Variants in RP1 observed in about 807,000 individuals in gnomAD.
RP1 encodes oxygen-regulated protein 1.
RP1 carries 16 observed loss-of-function variants against 14.8 expected under a neutral mutation model. The ratio of observed to expected loss-of-function variants is 1.08; its 90% CI spans 0.73 to 1.65. RP1 has a LOEUF of 1.65. Ranked by LOEUF, RP1 falls within the 40% of genes most tolerant of loss-of-function variation. RP1 has a pLI of 0.00. For synonymous variants in RP1, 876 were observed against 883.6 expected (o/e 0.99, Z 0.15); for missense variants, 2,631 against 2,535.0 (o/e 1.04, Z -0.81).
intron 1 of RP1, among the ~76,000 whole-genome samples, chr8:54,583,676 G>A (rs1479460565): frequency 6.6e-6 from 1 of 152,168 alleles, no homozygotes; most frequent in African/African-American, 2.4e-5. Flanking sequence ...CTCAATTTCA[G>A]AGCCTGTTAT....
intron 23 of RP1, chr8:54,780,831 C>T: frequency 1.5e-5 from 10 of 670,872 alleles, no homozygotes; most frequent in Non-Finnish European, 1.8e-5. Flanking sequence ...TACTGAGGAA[C>T]AACTGTAGGC....
At chr8:54,825,332 C>T (rs1029875735) in intron 24 of RP1, among the ~76,000 whole-genome samples, 3 of 152,138 alleles carry the variant, frequency 2.0e-5, no homozygotes, top group Non-Finnish European at 4.4e-5. Flanking sequence ...GCAAAACTGC[C>T]TGCCTTCAAC....
intron 3 of RP1, among the ~76,000 whole-genome samples, chr8:54,638,849 C>T (rs1271135546): frequency 6.6e-6 from 1 of 151,662 alleles, no homozygotes; most frequent in Non-Finnish European, 1.5e-5. Context: ...CTTGATGAAC[C>T]TCTGGAATAA....
At chr8:54,726,430 A>G (rs1277460262) in exon 17 of RP1, 5 of 1,533,428 alleles carry the variant, frequency 3.3e-6, no homozygotes, top group East Asian at 2.5e-5. Flanking sequence ...AGAAAAAAAT[A>G]CCCCCAGAAT....
chr8:54,669,827 T>A (rs1050904313), intron 7 of RP1, among the ~76,000 whole-genome samples: 1 of 140,006 alleles, frequency 7.1e-6, no homozygotes, highest in African/African-American at 2.7e-5. Flanking sequence ...AACTGAACAA[T>A]GAGAACACTT....
At chr8:54,861,421 C>T (rs890850369) in intron 27 of RP1, among the ~76,000 whole-genome samples, 3 of 151,240 alleles carry the variant, frequency 2.0e-5, no homozygotes, top group African/African-American at 7.3e-5. Flanking sequence ...ATTTTTTTAA[C>T]TCAACATTGT....
intron 4 of RP1, among the ~76,000 whole-genome samples, chr8:54,649,696 G>A (rs561261433): frequency 2.0e-5 from 3 of 152,290 alleles, no homozygotes; most frequent in Admixed American, 1.3e-4. Flanking sequence ...GGCACTTACA[G>A]ATGCTTAGTA....
At chr8:54,670,232 G>A (rs562043713) in intron 7 of RP1, among the ~76,000 whole-genome samples, 36 of 151,648 alleles carry the variant, frequency 2.4e-4, no homozygotes, top group African/African-American at 8.5e-4. Context: ...ATAATGTTCC[G>A]TGTTTTTTGG....
intron 12 of RP1, among the ~76,000 whole-genome samples, chr8:54,694,708 CTTTTCTT>C (rs1359293977): frequency 6.6e-6 from 1 of 151,922 alleles, no homozygotes; most frequent in Non-Finnish European, 1.5e-5. Flanking sequence ...ATTCTTCTGT[CTTTTCTT>C]TTTTATTAGT....
intron 1 of RP1, chr8:54,560,568 A>G (rs1804263361): frequency 6.6e-6 from 1 of 151,982 alleles, no homozygotes; most frequent in Non-Finnish European, 1.5e-5. Context: ...TTTATAAGTG[A>G]GAAGCAGGTC....
chr8:54,794,986 AAG>A (rs1810547313), intron 24 of RP1, among the ~76,000 whole-genome samples: 2 of 152,084 alleles, frequency 1.3e-5, no homozygotes, highest in South Asian at 4.1e-4. Flanking sequence ...TGTACACAAA[AAG>A]GTGCTCAACA....
At chr8:54,836,376 G>A (rs1244548047) in intron 24 of RP1, among the ~76,000 whole-genome samples, 4 of 152,104 alleles carry the variant, frequency 2.6e-5, no homozygotes, top group African/African-American at 9.7e-5. Context: ...AATAGATTTC[G>A]CAGAACGTAA....
intron 1 of RP1, among the ~76,000 whole-genome samples, chr8:54,607,951 C>T (rs755636945): frequency 6.6e-6 from 1 of 152,064 alleles, no homozygotes; most frequent in Non-Finnish European, 1.5e-5. Flanking sequence ...TCACCTCTTT[C>T]TTTGACTAGG....
intron 24 of RP1, among the ~76,000 whole-genome samples, chr8:54,808,737 C>T (rs992828538): frequency 6.6e-6 from 1 of 152,160 alleles, no homozygotes; most frequent in Non-Finnish European, 1.5e-5. Flanking sequence ...GGTATAATCT[C>T]ATAAAATTTG....
intron 24 of RP1, among the ~76,000 whole-genome samples, chr8:54,807,106 T>C (rs910639163): frequency 6.6e-6 from 1 of 152,168 alleles, no homozygotes; most frequent in Non-Finnish European, 1.5e-5. Context: ...ACTTGTGTCA[T>C]ATAATTAAAT....
chr8:54,629,517 T>C lies in RP1; in HGVS notation c.5635T>C (p.Tyr1879His), dbSNP rs757376712. 2 of 1,614,134 alleles carry C rather than the reference T, an allele frequency of 1.2e-6. No individual in the cohort carries two copies. The highest frequency in any genetic ancestry group is 1.1e-5 in the South Asian group (1 of 91,080). ...HSFISAGNKV[Y>H]PVSDDAIKNQ... ...CTTTATTTCTGCTGGTAACAAAGTC[T>C]ACCCTGTCTCTGATGATGCTATTAA... The change falls in exon 4 of 4, where the codon TAC becomes CAC. Residue 1879 changes from tyrosine (Y) to histidine (H), a missense_variant. Physicochemically the swap from Tyr to His is moderately conservative, Grantham distance 83. Transcript: ENST00000220676.
chr8:54,602,269 G>A (rs1011131092), intron 1 of RP1, among the ~76,000 whole-genome samples: 1 of 152,022 alleles, frequency 6.6e-6, no homozygotes, highest in African/African-American at 2.4e-5. Context: ...TACCACCTAT[G>A]AGTGAGAACA....
intron 24 of RP1, among the ~76,000 whole-genome samples, chr8:54,811,554 AG>A (rs1810994993): frequency 6.6e-6 from 1 of 152,198 alleles, no homozygotes; most frequent in Non-Finnish European, 1.5e-5. Flanking sequence ...CTGGGAGGGA[AG>A]AAGTCGTGTC....
At chr8:54,852,694 C>G (rs1199745857) in exon 26 of RP1, 3 of 1,231,900 alleles carry the variant, frequency 2.4e-6, no homozygotes, top group Admixed American at 4.2e-5. Flanking sequence ...CTTCATCAGT[C>G]CAAAAACAAT....
Sources: allele counts gnomAD v4.1 joint callset (sites outside exome capture counted in the v4.1 genomes callset), GRCh38; gene constraint gnomAD v4.1.1; transcripts MANE v1.5; gene names NCBI Gene and HGNC (gene_info 2026-07-23, HGNC 2026-07-21).